Variants in EPC1 observed in about 807,000 individuals in gnomAD.
The protein encoded by EPC1 is enhancer of polycomb homolog 1.
A neutral mutation model predicts 98.4 loss-of-function variants in EPC1; 12 were observed. The ratio of observed to expected loss-of-function variants is 0.12; its 90% CI spans 0.08 to 0.20. EPC1 has a LOEUF of 0.20. EPC1 is among the 10% of genes least tolerant of loss of function. EPC1 has a pLI of 1.00. For synonymous variants in EPC1, 357 were observed against 363.9 expected, an observed-to-expected ratio of 0.98 and a Z score of 0.21; for missense variants, 729 against 990.5, an observed-to-expected ratio of 0.74 and a Z score of 3.54.
At chr10:32,353,756 G>A (rs1839192514) in intron 1 of EPC1, among the ~76,000 whole-genome samples, 1 of 152,210 alleles carries the variant, frequency 6.6e-6, no homozygotes, top group Non-Finnish European at 1.5e-5. Context: ...ATTAAAAAGT[G>A]ATGTAGTGCA....
At chr10:32,321,638 T>G (rs1035975930) in intron 1 of EPC1, among the ~76,000 whole-genome samples, 3 of 151,728 alleles carry the variant, frequency 2.0e-5, no homozygotes, top group African/African-American at 7.3e-5. Context: ...GGAAGTAATA[T>G]TAAGTAAAAA....
Position 32,293,747 on chromosome 10 carries a change from G to A in EPC1, c.314-10C>T, listed in dbSNP as rs779756446. 3 of 1,606,708 alleles carry A rather than the reference G, an allele frequency of 1.9e-6. No individual in the cohort carries two copies. The highest frequency in any genetic ancestry group is 2.6e-6 in the Non-Finnish European group (3 of 1,176,182). ...GCATCCAAACTAAAAGCTGACAGAA[G>A]GAACCATATGCAATCATTTACTGTG... On this transcript the variant is annotated splice_polypyrimidine_tract_variant and intron_variant, in intron 2 of 13. Coordinates refer to ENST00000319778, the MANE Select transcript of EPC1 (RefSeq NM_001272004.3).
At chr10:32,311,806 CTA>C (rs1592583813) in intron 1 of EPC1, among the ~76,000 whole-genome samples, 1 of 152,170 alleles carries the variant, frequency 6.6e-6, no homozygotes, top group Admixed American at 6.5e-5. Flanking sequence ...TTATGTGACT[CTA>C]GTCTCTTTCT....
chr10:32,354,676 C>A (rs1477004568), intron 1 of EPC1, among the ~76,000 whole-genome samples: 1 of 146,350 alleles, frequency 6.8e-6, no homozygotes, highest in Admixed American at 7.2e-5. Flanking sequence ...GGGATTTACA[C>A]ATTTATTGTA....
rs761699668 is a variant in EPC1, at chr10:32,291,261, T to C, written c.877A>G (p.Met293Val). The C allele has an allele frequency of 2.5e-5, 40 of 1,613,936 alleles. No homozygotes were observed. Among genetic ancestry groups the C allele is most frequent in the Admixed American group, 5.0e-5 (3 of 60,006 alleles). ...MSEVMAQRQP[M>V]KPTYAIPIIP... ...ATGGGGATGGCATAAGTAGGTTTCA[T>C]TGGCTGTCTCTGTGCCATAACCTCA... Residue 293 changes from methionine to valine, a missense_variant, in exon 6 of 14, where the codon ATG becomes GTG. Around this residue, in one of 6 missense-constraint regions of EPC1, gnomAD observed 390 missense variants for 438.6 expected, o/e 0.89. Transcript: ENST00000319778.
At chr10:32,280,887 T>C (rs1836376891) in intron 10 of EPC1, among the ~76,000 whole-genome samples, 1 of 152,236 alleles carries the variant, frequency 6.6e-6, no homozygotes, top group Admixed American at 6.5e-5. Context: ...TGGGCATCTC[T>C]AATATGAACG....
chr10:32,372,390 T>C (rs1294759277), intron 1 of EPC1, among the ~76,000 whole-genome samples: 1 of 152,258 alleles, frequency 6.6e-6, no homozygotes, highest in Non-Finnish European at 1.5e-5. Context: ...GTACATACCA[T>C]TGGCCTTACA....
At chr10:32,286,385 C>A in intron 9 of EPC1, 1 of 351,654 alleles carries the variant, frequency 2.8e-6, no homozygotes, top group East Asian at 4.8e-5. Context: ...ACACTGTGTG[C>A]AATCAGGATT....
chr10:32,370,323 G>A (rs1040024803), intron 1 of EPC1, among the ~76,000 whole-genome samples: 1 of 152,174 alleles, frequency 6.6e-6, no homozygotes, highest in Non-Finnish European at 1.5e-5. Context: ...GAAAGATGGA[G>A]ATGAGAAGTA....
chr10:32,314,876 C>T (rs924577177), intron 1 of EPC1, among the ~76,000 whole-genome samples: 12 of 152,228 alleles, frequency 7.9e-5, no homozygotes, highest in African/African-American at 2.9e-4. Flanking sequence ...TCCTCATGCT[C>T]TCACCCCACC....
intron 1 of EPC1, among the ~76,000 whole-genome samples, chr10:32,313,665 A>G (rs7069130): frequency 0.081 from 12,309 of 152,156 alleles, 1,519 homozygotes; most frequent in African/African-American, 0.27. Context: ...CCAAGGCAAG[A>G]GAGTCACCTG....
chr10:32,347,346 GGGGGCGGAC>G (rs1046470986), upstream of EPC1: 6 of 326,656 alleles, frequency 1.8e-5, no homozygotes, highest in African/African-American at 6.7e-5. Flanking sequence ...TCGCGGGTCC[GGGGGCGGAC>G]AGGGCGGACT....
chr10:32,341,166 C>T lies in EPC1; in HGVS notation c.153+5597G>A, dbSNP rs535871963. 5.3e-5 allele frequency among the ~76,000 whole-genome samples: 8 copies of T among 152,280 alleles called. No individual in the cohort carries two copies. The East Asian group carries it at 1.3e-3, about 26-fold the overall frequency. ...ATGGTATTATTGCTCCCTTAAAATG[C>T]TATCTTCTGCTTTTAACTAACTGCT... On this transcript the variant is annotated intron_variant, in intron 1 of 13. Coordinates refer to ENST00000319778, the MANE Select transcript of EPC1 (RefSeq NM_001272004.3).
chr10:32,368,954 A>G (rs1839676331), intron 1 of EPC1, among the ~76,000 whole-genome samples: 1 of 152,228 alleles, frequency 6.6e-6, no homozygotes, highest in Non-Finnish European at 1.5e-5. Context: ...GGTCTGGACA[A>G]TTGGTAGTAA....
intron 1 of EPC1, among the ~76,000 whole-genome samples, chr10:32,308,015 C>A (rs1235824964): frequency 6.6e-6 from 1 of 152,190 alleles, no homozygotes; most frequent in South Asian, 2.1e-4. Flanking sequence ...AGCATTCAAG[C>A]ATTCGTTTAT....
intron 1 of EPC1, among the ~76,000 whole-genome samples, chr10:32,308,902 AACGG>A (rs1295092856): frequency 1.3e-5 from 2 of 152,228 alleles, no homozygotes; most frequent in African/African-American, 4.8e-5. Context: ...TCAACAGATA[AACGG>A]ATAAAGGAAA....
upstream of EPC1, among the ~76,000 whole-genome samples, chr10:32,349,460 T>G (rs779844153): frequency 2.0e-5 from 3 of 152,320 alleles, no homozygotes; most frequent in Non-Finnish European, 1.5e-5. Flanking sequence ...AAGAGACACC[T>G]TTTTCTCATC....
intron 1 of EPC1, among the ~76,000 whole-genome samples, chr10:32,365,069 G>A (rs1839560759): frequency 6.6e-6 from 1 of 152,168 alleles, no homozygotes; most frequent in Non-Finnish European, 1.5e-5. Context: ...AAAAAGTTCT[G>A]GAAGACATGC....
At chr10:32,333,568 T>G (rs1403272268) in intron 1 of EPC1, among the ~76,000 whole-genome samples, 1 of 152,184 alleles carries the variant, frequency 6.6e-6, no homozygotes, top group South Asian at 2.1e-4. Flanking sequence ...CATTGAGAAA[T>G]GCATTCTGAG....
Sources: allele counts gnomAD v4.1 joint callset (sites outside exome capture counted in the v4.1 genomes callset), GRCh38; gene constraint gnomAD v4.1.1; regional missense constraint gnomAD v4.1.1; transcripts MANE v1.5; gene names NCBI Gene and HGNC (gene_info 2026-07-23, HGNC 2026-07-21).